The following SLC9A9 variants were observed in gnomAD, a reference collection of about 807,000 sequenced individuals.
The protein encoded by SLC9A9 is sodium/hydrogen exchanger 9.
In SLC9A9, 62 loss-of-function variants were observed where a neutral mutation model predicts 77.8. The ratio of observed to expected loss-of-function variants is 0.80; its 90% CI spans 0.65 to 0.98. The LOEUF (loss-of-function observed/expected upper bound fraction) is 0.98. SLC9A9 is among the 50% of genes least tolerant of loss of function. SLC9A9 has a pLI of 0.00. For synonymous variants in SLC9A9, 320 were observed against 283.5 expected (o/e 1.13, Z -1.29); for missense variants, 775 against 774.9 (o/e 1.00, Z 0.00).
At chr3:143,402,423 TAGCAA>T (rs1328828578) in intron 12 of SLC9A9, among the ~76,000 whole-genome samples, 15 of 150,790 alleles carry the variant, frequency 9.9e-5, no homozygotes, top group African/African-American at 3.6e-4. Context: ...TCTCAAACTC[TAGCAA>T]TTTACTTAGC....
intron 9 of SLC9A9, among the ~76,000 whole-genome samples, chr3:143,497,718 T>C (rs2035858971): frequency 6.6e-6 from 1 of 152,214 alleles, no homozygotes; most frequent in African/African-American, 2.4e-5. Flanking sequence ...AAATCACTTT[T>C]TGATTTGAAG....
chr3:143,563,052 C>T (rs2037113452), intron 8 of SLC9A9, among the ~76,000 whole-genome samples: 1 of 152,056 alleles, frequency 6.6e-6, no homozygotes, highest in South Asian at 2.1e-4. Flanking sequence ...TGCAGGGACT[C>T]ATTTACACAA....
chr3:143,466,900 G>T, intron 12 of SLC9A9, 137 bp downstream of exon 12: 2 of 1,069,728 alleles, frequency 1.9e-6, no homozygotes, highest in Non-Finnish European at 2.8e-6. Context: ...TTCACCTTAT[G>T]AGTGAAGGTC....
chr3:143,571,370 G>C (rs1467731458), intron 8 of SLC9A9, among the ~76,000 whole-genome samples: 2 of 152,080 alleles, frequency 1.3e-5, no homozygotes, highest in Non-Finnish European at 2.9e-5. Flanking sequence ...TAGTTTACCT[G>C]TGCATTAGAA....
Position 143,527,889 on chromosome 3 carries a change from A to C in SLC9A9, c.1089+24473T>G, listed in dbSNP as rs142718414. On this transcript the variant is annotated intron_variant, in intron 9 of 15. Coordinates refer to ENST00000316549, the MANE Select transcript of SLC9A9 (RefSeq NM_173653.4). ...AGGACAGAGCATGGCACTTGATGTC[A>C]AGAACTGGGTAGTGTGCACTTGGAA... Among the ~76,000 whole-genome samples, 200 of 152,306 alleles carry C rather than the reference A, an allele frequency of 1.3e-3. 1 individual carries two copies. Among genetic ancestry groups the C allele is most frequent in the Admixed American group, 3.9e-3 (59 of 15,300 alleles).
At chr3:143,287,689 T>C (rs917374525) in intron 14 of SLC9A9, among the ~76,000 whole-genome samples, 2 of 152,250 alleles carry the variant, frequency 1.3e-5, no homozygotes, top group South Asian at 2.1e-4. Flanking sequence ...TCCCATTTTC[T>C]GCTCAGCACC....
chr3:143,686,442 G>A (rs550042152), intron 5 of SLC9A9, among the ~76,000 whole-genome samples: 1 of 152,266 alleles, frequency 6.6e-6, no homozygotes, highest in East Asian at 1.9e-4. Flanking sequence ...GATTAGGGGT[G>A]TCTGGGCAAG....
intron 6 of SLC9A9, among the ~76,000 whole-genome samples, chr3:143,645,497 T>C (rs1576630970): frequency 6.6e-6 from 1 of 152,206 alleles, no homozygotes; most frequent in East Asian, 1.9e-4. Flanking sequence ...GCATAATGTC[T>C]GGCACATACT....
chr3:143,385,775 A>T (rs1450775828), intron 12 of SLC9A9, among the ~76,000 whole-genome samples: 1 of 152,182 alleles, frequency 6.6e-6, no homozygotes, highest in Non-Finnish European at 1.5e-5. Flanking sequence ...TCCTTAGGTG[A>T]CATCCAAGGG....
rs2034103544 is a variant in SLC9A9 at position 143,411,919 on chromosome 3, GAAC to G, written c.1470-29808_1470-29806del. On this transcript the variant is annotated intron_variant, in intron 12 of 15. Coordinates refer to ENST00000316549, the MANE Select transcript of SLC9A9 (RefSeq NM_173653.4). ...CCGGTAACTATTCTTGTGGGCCAGTGAACAACAAGCAGACAAACTGTTGCCCTT... is the reference window on the plus strand; with the variant it reads ...CCGGTAACTATTCTTGTGGGCCAGTGAACAAGCAGACAAACTGTTGCCCTT... Among the ~76,000 whole-genome samples the G allele has an allele frequency of 1.2e-4, 19 of 152,236 alleles. No individual in the cohort carries two copies. In the South Asian group the frequency reaches 3.9e-3, roughly 32 times the overall value.
At chr3:143,819,204 A>G (rs1160392420) in intron 2 of SLC9A9, among the ~76,000 whole-genome samples, 1 of 152,252 alleles carries the variant, frequency 6.6e-6, no homozygotes, top group African/African-American at 2.4e-5. Context: ...TATCATTGAG[A>G]ATTTGTGAGA....
intron 9 of SLC9A9, among the ~76,000 whole-genome samples, chr3:143,531,801 C>T (rs1399616539): frequency 2.0e-5 from 3 of 148,420 alleles, no homozygotes; most frequent in East Asian, 4.1e-4. Flanking sequence ...CGTGTAGGGA[C>T]GGTTCTCAAA....
At chr3:143,466,510 C>G (rs1191078930) in intron 12 of SLC9A9, among the ~76,000 whole-genome samples, 2 of 152,220 alleles carry the variant, frequency 1.3e-5, no homozygotes, top group African/African-American at 4.8e-5. Context: ...TCCCCTTTTC[C>G]TGTATGAAAG....
chr3:143,324,493 G>A (rs2031517939), intron 14 of SLC9A9, among the ~76,000 whole-genome samples: 1 of 152,172 alleles, frequency 6.6e-6, no homozygotes, highest in Admixed American at 6.5e-5. Context: ...GAAAGCACTC[G>A]AAGGCAGTGC....
At chr3:143,659,207 A>C (rs555285095) in intron 5 of SLC9A9, among the ~76,000 whole-genome samples, 2 of 152,140 alleles carry the variant, frequency 1.3e-5, no homozygotes, top group Non-Finnish European at 2.9e-5. Context: ...AAAAAACATT[A>C]AAAAAGGCCT....
rs750798020 is a variant in SLC9A9 at position 143,578,727 on chromosome 3, A to T, written c.756-4T>A. On this transcript the variant is annotated splice_polypyrimidine_tract_variant and splice_region_variant and intron_variant, in intron 6 of 15. Transcript: ENST00000316549. ...GGGACTGTAAATGGATATAGAACTG[A>T]AAAGAGAAGAGGGTGGAGGTTAGTT... 1 of 1,613,954 alleles carries T rather than the reference A, an allele frequency of 6.2e-7. No individual in the cohort carries two copies. The highest frequency in any genetic ancestry group is 1.7e-5 in the Admixed American group (1 of 60,018).
intron 6 of SLC9A9, among the ~76,000 whole-genome samples, chr3:143,612,962 G>A (rs1319051840): frequency 8.5e-5 from 13 of 152,148 alleles, no homozygotes; most frequent in African/African-American, 3.1e-4. Flanking sequence ...TTAAAAAAAG[G>A]CCACAGCAGG....
chr3:143,373,292 C>T (rs1459915956), intron 13 of SLC9A9, among the ~76,000 whole-genome samples: 1 of 152,080 alleles, frequency 6.6e-6, no homozygotes, highest in African/African-American at 2.4e-5. Context: ...GAAATAATGT[C>T]TTTTGCAGCA....
At chr3:143,323,910 A>T (rs1559867907) in intron 14 of SLC9A9, among the ~76,000 whole-genome samples, 1 of 152,252 alleles carries the variant, frequency 6.6e-6, no homozygotes, top group East Asian at 1.9e-4. Context: ...AAACTGGCTT[A>T]TGTTAGTCTT....
Sources: allele counts gnomAD v4.1 joint callset (sites outside exome capture counted in the v4.1 genomes callset), GRCh38; gene constraint gnomAD v4.1.1; transcripts MANE v1.5; gene names NCBI Gene and HGNC (gene_info 2026-07-23, HGNC 2026-07-21).